The following TGIF1 variants were observed in gnomAD, a reference collection of about 807,000 sequenced individuals.
The protein encoded by TGIF1 is homeobox protein TGIF1.
Under a neutral mutation model 19.3 loss-of-function variants are expected in TGIF1, and 4 were observed. That is an observed-to-expected ratio of 0.21 (90% CI 0.10 to 0.47). The LOEUF is 0.47. TGIF1 is among the 20% of genes least tolerant of loss of function. The pLI is 0.98. For missense variants in TGIF1, 275 were observed against 341.4 expected, an observed-to-expected ratio of 0.81 and a Z score of 1.53; for synonymous variants, 122 against 129.3, an observed-to-expected ratio of 0.94 and a Z score of 0.38.
At chr18:3,444,991 G>C (rs2143253209) in intron 2 of TGIF1, among the ~76,000 whole-genome samples, 1 of 152,298 alleles carries the variant, frequency 6.6e-6, no homozygotes, top group South Asian at 2.1e-4. Context: ...GTTTGTCACA[G>C]CTTGGGGGAA....
At chr18:3,436,759 C>T (rs2082619320) in intron 2 of TGIF1, among the ~76,000 whole-genome samples, 1 of 151,850 alleles carries the variant, frequency 6.6e-6, no homozygotes, top group South Asian at 2.1e-4. Flanking sequence ...GTGGAGGTTC[C>T]AGTGAGCCAA....
upstream of TGIF1, chr18:3,448,714 T>A (rs201491800): frequency 4.4e-6 from 2 of 456,680 alleles, no homozygotes; most frequent in African/African-American, 2.9e-5. Context: ...GGGGCGGGGG[T>A]GTCTTTTTTT....
In TGIF1 at chr18:3,456,345, C is replaced by T. The variant is rs756885366; in HGVS notation, c.17-9C>T. The T allele has an allele frequency of 1.2e-6, 2 of 1,613,710 alleles. No homozygotes were observed. Among genetic ancestry groups the T allele is most frequent in the East Asian group, 2.2e-5 (1 of 44,898 alleles). ...AAGCAACTGACAACTGGCCCTTGTC[C>T]TTTCCTAGGTATTGTTGCAGCATCT... On this transcript the variant is annotated splice_polypyrimidine_tract_variant and intron_variant, in intron 1 of 2. Coordinates refer to ENST00000343820, the MANE Select transcript of TGIF1 (RefSeq NM_003244.4). The surrounding 1 kb of genome is among the most constrained non-coding windows in gnomAD (Gnocchi z 4.2).
chr18:3,448,736 T>A, upstream of TGIF1: 1 of 490,512 alleles, frequency 2.0e-6, no homozygotes, highest in Non-Finnish European at 2.6e-6. Context: ...TTTTTTTTTT[T>A]TTGAGGGAGG....
At chr18:3,412,081 C>A in exon 1 of TGIF1, 1 of 160,300 alleles carries the variant, frequency 6.2e-6, no homozygotes, top group South Asian at 1.7e-4. Flanking sequence ...GGGCAAAGGC[C>A]AGGCCTGACG....
intron 2 of TGIF1, among the ~76,000 whole-genome samples, chr18:3,439,475 C>T (rs542997083): frequency 2.4e-4 from 36 of 151,860 alleles, no homozygotes; most frequent in Admixed American, 7.2e-4. Context: ...ACCCGATTAG[C>T]TGGGATTACT....
Position 3,453,796 on chromosome 18 carries a change from A to G in TGIF1, c.17-2558A>G, listed in dbSNP as rs547175400. Reference sequence around the variant, plus strand: ...CTCCACAACATTTCCTTGTATGTGGATAGCGTGAAAGAAGCTTGTGATCCT... The same window carrying G: ...CTCCACAACATTTCCTTGTATGTGGGTAGCGTGAAAGAAGCTTGTGATCCT... On this transcript the variant is annotated intron_variant, in intron 1 of 2. Coordinates refer to ENST00000343820, the MANE Select transcript of TGIF1 (RefSeq NM_003244.4). The G allele has an allele frequency of 7.1e-6, 7 of 984,848 alleles. No homozygotes were observed. In the South Asian group the frequency reaches 3.3e-4, roughly 46 times the overall value. The allele number at this position is 984,848 out of a possible 1,614,324, so 61.0% of individuals were successfully genotyped here. A position where few individuals can be genotyped will look rare whatever the true frequency, so the allele number is the denominator to read the frequency against.
intron 2 of TGIF1, among the ~76,000 whole-genome samples, chr18:3,428,310 C>T (rs923909553): frequency 1.3e-5 from 2 of 152,130 alleles, no homozygotes; most frequent in African/African-American, 2.4e-5. Context: ...GGAGCACTTC[C>T]GACGTGCATG....
In TGIF1 at chr18:3,458,373, CTT is replaced by C. The variant is rs397858239; in HGVS notation, c.*440_*441del. 1.2e-5 allele frequency: 2 copies of C among 165,288 alleles called. No individual in the cohort carries two copies. Among genetic ancestry groups the C allele is most frequent in the African/African-American group, 4.8e-5 (2 of 41,288 alleles). The allele number at this position is 165,288 out of a possible 1,614,324, so 10.2% of individuals were successfully genotyped here. On this transcript the variant is annotated 3_prime_UTR_variant, in exon 3 of 3. Coordinates refer to ENST00000343820, the MANE Select transcript of TGIF1 (RefSeq NM_003244.4). Reference sequence around the variant, plus strand: ...AAGTATGAATCTAGTTGGTTGATGCCTTTTTTTTCATGACATAATAAAGTATT... The same window carrying C: ...AAGTATGAATCTAGTTGGTTGATGCCTTTTTTCATGACATAATAAAGTATT...
chr18:3,443,507 G>A (rs3866989), intron 2 of TGIF1, among the ~76,000 whole-genome samples: 91,855 of 151,778 alleles, frequency 0.61, 29,682 homozygotes, highest in East Asian at 0.9. Flanking sequence ...TCCAGGCTCT[G>A]CAGGCTCTAA....
intron 1 of TGIF1, chr18:3,452,180 C>T: frequency 1.2e-6 from 2 of 1,613,134 alleles, no homozygotes; most frequent in South Asian, 1.1e-5. Flanking sequence ...CGTGGTCCTC[C>T]CTGGCGACCC....
At chr18:3,449,991 ACCCCCCGCGTCCGCACCGCCG>A, upstream of TGIF1, 2 of 987,570 alleles carry the variant, frequency 2.0e-6, no homozygotes, top group Non-Finnish European at 2.4e-6. Context: ...GGACCCGGCC[ACCCCCCGCGTCCGCACCGCCG>A]CCCCCGAGGG....
rs142635068 is a variant in TGIF1 at position 3,415,279 on chromosome 18, C to G, written c.-117-2864C>G. 1.5e-3 allele frequency: 418 copies of G among 270,502 alleles called. 2 individuals carry two copies. The highest frequency in any genetic ancestry group is 8.2e-3 in the African/African-American group (376 of 45,862). The allele number at this position is 270,502 out of a possible 1,614,324, so 16.8% of individuals were successfully genotyped here. On this transcript the variant is annotated intron_variant, in intron 1 of 3. Transcript: ENST00000401449. Reference sequence around the variant, plus strand: ...GGACACCAAGCCAGCTTACCAAAACCAGAGGCAGAAAGCTGAGGGTTCGGT... The same window carrying G: ...GGACACCAAGCCAGCTTACCAAAACGAGAGGCAGAAAGCTGAGGGTTCGGT...
chr18:3,432,033 C>G (rs577692309), intron 2 of TGIF1, among the ~76,000 whole-genome samples: 1 of 147,842 alleles, frequency 6.8e-6, no homozygotes, highest in South Asian at 2.1e-4. Context: ...GAGGCTGAGG[C>G]AGGAGAATGG....
chr18:3,417,312 A>C (rs1013402618), intron 1 of TGIF1, among the ~76,000 whole-genome samples: 3 of 152,098 alleles, frequency 2.0e-5, no homozygotes, highest in Non-Finnish European at 4.4e-5. Context: ...GGCATGAGCC[A>C]CCGCGTCCGG....
At chr18:3,444,554 T>C (rs1568040786) in intron 2 of TGIF1, among the ~76,000 whole-genome samples, 1 of 152,206 alleles carries the variant, frequency 6.6e-6, no homozygotes, top group African/African-American at 2.4e-5. Context: ...TCATGCATTA[T>C]TCATTTGATA....
intron 2 of TGIF1, among the ~76,000 whole-genome samples, chr18:3,434,258 C>T (rs138375674): frequency 2.0e-5 from 3 of 152,176 alleles, no homozygotes; most frequent in Non-Finnish European, 4.4e-5. Context: ...GGCCTTGGGC[C>T]GGGTGCGGTG....
At chr18:3,415,078 C>T (rs1230603644) in intron 1 of TGIF1, 1 of 155,014 alleles carries the variant, frequency 6.5e-6, no homozygotes, top group Non-Finnish European at 1.4e-5. Flanking sequence ...CTGTCACCAC[C>T]TCTGTCCTGG....
chr18:3,415,923 T>C (rs578076505), intron 1 of TGIF1, among the ~76,000 whole-genome samples: 1 of 152,352 alleles, frequency 6.6e-6, no homozygotes, highest in African/African-American at 2.4e-5. Context: ...GTGTGGACTT[T>C]AGAGTTTGTG....
Sources: allele counts gnomAD v4.1 joint callset (sites outside exome capture counted in the v4.1 genomes callset), GRCh38; gene constraint gnomAD v4.1.1; non-coding constraint Gnocchi (gnomAD v3.1); transcripts MANE v1.5; gene names NCBI Gene and HGNC (gene_info 2026-07-23, HGNC 2026-07-21).